The following EFNA5 variants were observed in gnomAD, a reference collection of about 807,000 sequenced individuals.
The protein encoded by EFNA5 is ephrin-A5.
EFNA5 carries 5 observed loss-of-function variants against 22.9 expected under a neutral mutation model. The observed-to-expected ratio is 0.22, with a 90% CI of 0.11 to 0.46. The LOEUF is 0.46. Ranked by LOEUF, EFNA5 falls within the 20% of genes least tolerant of loss-of-function variation. The probability of loss-of-function intolerance (pLI) is 0.99; values close to 1 mark genes in which losing one functional copy is unlikely to be tolerated. For missense variants in EFNA5, 237 were observed against 293.3 expected, an observed-to-expected ratio of 0.81 and a Z score of 1.40; for synonymous variants, 113 against 112.2, an observed-to-expected ratio of 1.01 and a Z score of -0.04.
intron 1 of EFNA5, among the ~76,000 whole-genome samples, chr5:107,495,484 C>T (rs1746952258): frequency 6.6e-6 from 1 of 152,220 alleles, no homozygotes; most frequent in South Asian, 2.1e-4. Flanking sequence ...TTCTTGAAGT[C>T]AGTGAGACCA....
chr5:107,604,657 C>T (rs937787385), intron 1 of EFNA5, among the ~76,000 whole-genome samples: 2 of 152,058 alleles, frequency 1.3e-5, no homozygotes, highest in African/African-American at 4.8e-5. Context: ...ACCCACTTGC[C>T]GTGCAGACAT....
At chr5:107,662,771 C>G (rs1488348610) in intron 1 of EFNA5, among the ~76,000 whole-genome samples, 5 of 141,134 alleles carry the variant, frequency 3.5e-5, no homozygotes, top group African/African-American at 1.3e-4. Flanking sequence ...GAGAAAGATT[C>G]CGGGTAGACT....
chr5:107,657,976 C>T (rs1750865909), intron 1 of EFNA5, among the ~76,000 whole-genome samples: 1 of 152,032 alleles, frequency 6.6e-6, no homozygotes, highest in African/African-American at 2.4e-5. Flanking sequence ...GTGAGGAAAG[C>T]AGAAGCATAT....
At chr5:107,656,986 C>A (rs60027737) in intron 1 of EFNA5, among the ~76,000 whole-genome samples, 20,734 of 151,992 alleles carry the variant, frequency 0.14, 1,412 homozygotes, top group Admixed American at 0.14. Flanking sequence ...ATAGTTGCTA[C>A]TGTAAAAATT....
intron 2 of EFNA5, among the ~76,000 whole-genome samples, chr5:107,412,330 C>A (rs1748389859): frequency 1.3e-5 from 2 of 152,068 alleles, no homozygotes; most frequent in Non-Finnish European, 2.9e-5. Flanking sequence ...TTGCCAAAAC[C>A]ATTAATCTTT....
intron 1 of EFNA5, among the ~76,000 whole-genome samples, chr5:107,629,122 CGT>C (rs1042814365): frequency 5.3e-5 from 8 of 152,160 alleles, no homozygotes; most frequent in African/African-American, 1.9e-4. Flanking sequence ...AAAATTACTA[CGT>C]GCATGTATTA....
intron 1 of EFNA5, among the ~76,000 whole-genome samples, chr5:107,465,385 A>G (rs1313242721): frequency 1.3e-5 from 2 of 152,128 alleles, no homozygotes; most frequent in Non-Finnish European, 2.9e-5. Context: ...AGAACATTAG[A>G]AGAGTTAATA....
At chr5:107,646,159 G>A (rs567936710) in intron 1 of EFNA5, among the ~76,000 whole-genome samples, 8 of 152,224 alleles carry the variant, frequency 5.3e-5, no homozygotes, top group Middle Eastern at 3.4e-3. Flanking sequence ...AAAAGAGTAC[G>A]CAGTTGCAGT....
chr5:107,524,699 G>T (rs1367286835), intron 1 of EFNA5, among the ~76,000 whole-genome samples: 1 of 152,130 alleles, frequency 6.6e-6, no homozygotes, highest in East Asian at 1.9e-4. Context: ...TAAATCCAAG[G>T]AGAGGTAACT....
At chr5:107,428,043 T>C (rs1748851233) in intron 1 of EFNA5, among the ~76,000 whole-genome samples, 1 of 152,200 alleles carries the variant, frequency 6.6e-6, no homozygotes, top group Non-Finnish European at 1.5e-5. Flanking sequence ...ATTAGAATCA[T>C]AACATTTTAC....
At chr5:107,595,464 T>C (rs2112507718) in intron 1 of EFNA5, among the ~76,000 whole-genome samples, 1 of 135,954 alleles carries the variant, frequency 7.4e-6, no homozygotes, top group Admixed American at 7.1e-5. Flanking sequence ...TGAAGCTCAG[T>C]TGTTATATAT....
At chr5:107,422,027 G>A (rs1010843710) in intron 2 of EFNA5, among the ~76,000 whole-genome samples, 4 of 152,150 alleles carry the variant, frequency 2.6e-5, no homozygotes, top group African/African-American at 7.2e-5. Context: ...ACAGCCTCAG[G>A]TGATCCACTT....
intron 4 of EFNA5, 141 bp from the exon 5 acceptor site, chr5:107,381,517 C>A: frequency 1.1e-6 from 1 of 916,202 alleles, no homozygotes; most frequent in South Asian, 2.6e-5. Context: ...TTCATGTCTG[C>A]ATAATCACTC....
chr5:107,637,837 T>TTTTATTTATTTATTTA (rs34019093), intron 1 of EFNA5, among the ~76,000 whole-genome samples: 1 of 147,678 alleles, frequency 6.8e-6, no homozygotes, highest in Non-Finnish European at 1.5e-5. Flanking sequence ...AACAGTTTAT[T>TTTTATTTATTTATTTA]TTTATTTATT....
At chr5:107,582,906 A>C (rs1327706231) in intron 1 of EFNA5, among the ~76,000 whole-genome samples, 2 of 152,190 alleles carry the variant, frequency 1.3e-5, no homozygotes, top group African/African-American at 4.8e-5. Context: ...AACAGCTGTA[A>C]ATAACTATAA....
At chr5:107,516,029 C>T (rs374780536) in intron 1 of EFNA5, among the ~76,000 whole-genome samples, 3 of 152,258 alleles carry the variant, frequency 2.0e-5, no homozygotes, top group East Asian at 3.9e-4. Flanking sequence ...TTTTGAGACA[C>T]AGTCTCACAC....
chr5:107,465,205 T>A (rs1473600663), intron 1 of EFNA5, among the ~76,000 whole-genome samples: 1 of 152,200 alleles, frequency 6.6e-6, no homozygotes, highest in African/African-American at 2.4e-5. Flanking sequence ...ACACCAGATT[T>A]CACCTTCACT....
intron 1 of EFNA5, among the ~76,000 whole-genome samples, chr5:107,530,257 C>T (rs1447788622): frequency 6.6e-6 from 1 of 152,206 alleles, no homozygotes; most frequent in Non-Finnish European, 1.5e-5. Context: ...GAAAGTTGTA[C>T]ATGGTCATGC....
At chr5:107,399,062 A>G (rs1408553526) in intron 2 of EFNA5, among the ~76,000 whole-genome samples, 1 of 152,112 alleles carries the variant, frequency 6.6e-6, no homozygotes, top group Non-Finnish European at 1.5e-5. Flanking sequence ...GATCTTGGGA[A>G]CTGATGTAAT....
Sources: gnomAD v4.1 joint callset for allele counts (sites outside exome capture counted in the v4.1 genomes callset) on GRCh38, gnomAD v4.1.1 for gene constraint, MANE v1.5 for transcripts, NCBI Gene and HGNC (gene_info 2026-07-23, HGNC 2026-07-21) for gene names.